The following IL1RAPL1 variants were observed in gnomAD, a reference collection of about 807,000 sequenced individuals.
The protein encoded by IL1RAPL1 is interleukin-1 receptor accessory protein-like 1.
A neutral mutation model predicts 48.4 loss-of-function variants in IL1RAPL1; 3 were observed. The ratio of observed to expected loss-of-function variants is 0.06; its 90% CI spans 0.03 to 0.16. The LOEUF is 0.16. Ranked by LOEUF, IL1RAPL1 falls within the 10% of genes least tolerant of loss-of-function variation. IL1RAPL1 has a pLI of 1.00. For missense variants in IL1RAPL1, 349 were observed against 530.6 expected (o/e 0.66, Z 3.36); for synonymous variants, 185 against 187.7 (o/e 0.99, Z 0.12).
chrX:28,762,817 CACACACAGAGAGAGAGAGAGAG>C (rs760737742), intron 1 of IL1RAPL1, among the ~76,000 whole-genome samples: 104 of 42,038 alleles, frequency 2.5e-3, no homozygotes, highest in African/African-American at 4.0e-3. Flanking sequence ...CACACACACA[CACACACAGAGAGAGAGAGAGAG>C]AGAGAGAGAG....
chrX:28,875,143 A>C (rs928742434), intron 2 of IL1RAPL1, among the ~76,000 whole-genome samples: 5 of 112,258 alleles, frequency 4.5e-5, no homozygotes, highest in African/African-American at 1.6e-4. Flanking sequence ...AAAATTATGA[A>C]TAATTTATAA....
chrX:29,006,288 G>T (rs184202302), intron 2 of IL1RAPL1, among the ~76,000 whole-genome samples: 2 of 110,742 alleles, frequency 1.8e-5, no homozygotes, highest in East Asian at 2.9e-4. Flanking sequence ...GCTGAGGCGG[G>T]CGATCACCTG....
chrX:29,855,290 G>A (rs1396963394), intron 6 of IL1RAPL1, among the ~76,000 whole-genome samples: 2 of 112,052 alleles, frequency 1.8e-5, no homozygotes, highest in African/African-American at 3.2e-5. Flanking sequence ...ATTCATCTAT[G>A]GAAACATGTT....
intron 2 of IL1RAPL1, among the ~76,000 whole-genome samples, chrX:28,861,813 T>C (rs1444657953): frequency 9.0e-6 from 1 of 111,613 alleles, no homozygotes; most frequent in East Asian, 2.8e-4. Flanking sequence ...AAACTTTGTT[T>C]ACTAAAGTTT....
rs1366464632 is a variant in IL1RAPL1, at chrX:28,762,786, G to GCGCGCACACACACACA, written c.-24-26533_-24-26532insGCGCACACACACACAC. 4.2e-3 allele frequency among the ~76,000 whole-genome samples: 267 copies of GCGCGCACACACACACA among 62,906 alleles called. 2 individuals are homozygous for GCGCGCACACACACACA. The highest frequency in any genetic ancestry group is 0.016 in the African/African-American group (253 of 15,789). The allele number at this position is 62,906 out of a possible 115,157, so 54.6% of individuals were successfully genotyped here. On this transcript the variant is annotated intron_variant, in intron 1 of 10. Coordinates refer to ENST00000378993, the MANE Select transcript of IL1RAPL1 (RefSeq NM_014271.4). ...TATAAAATCTAATACGCACGCGCGCGCACACACACACACACACACACACAC... is the reference window on the plus strand; with the variant it reads ...TATAAAATCTAATACGCACGCGCGCGCGCGCACACACACACACACACACACACACACACACACACAC...
chrX:29,106,340 A>T (rs1002232179), intron 2 of IL1RAPL1, among the ~76,000 whole-genome samples: 1 of 111,276 alleles, frequency 9.0e-6, no homozygotes, highest in Non-Finnish European at 1.9e-5. Flanking sequence ...CCAAACACAC[A>T]TACCTTGCTA....
intron 6 of IL1RAPL1, among the ~76,000 whole-genome samples, chrX:29,856,577 C>T (rs2147201445): frequency 9.0e-6 from 1 of 111,698 alleles, no homozygotes; most frequent in South Asian, 3.7e-4. Flanking sequence ...AGTAACATTA[C>T]CATAAAAACA....
At chrX:29,237,893 A>G (rs937472356) in intron 2 of IL1RAPL1, among the ~76,000 whole-genome samples, 7 of 112,619 alleles carry the variant, frequency 6.2e-5, no homozygotes, top group African/African-American at 2.3e-4. Flanking sequence ...TTTTAATTGC[A>G]TAAAATAATT....
rs190188531 is a variant in IL1RAPL1 at position 29,728,039 on chromosome X, G to A, written c.778+59535G>A. On this transcript the variant is annotated intron_variant, in intron 6 of 10. Coordinates refer to ENST00000378993, the MANE Select transcript of IL1RAPL1 (RefSeq NM_014271.4). ...TGCAAGCTCCGCCTCCCGGGTTCAC[G>A]CCATTCTCCTACCTCAGCCTCCCGA... Among the ~76,000 whole-genome samples, 65 of 110,695 alleles carry A rather than the reference G, an allele frequency of 5.9e-4. 1 individual carries two copies. The highest frequency in any genetic ancestry group is 3.7e-3 in the East Asian group (13 of 3,513).
intron 9 of IL1RAPL1, among the ~76,000 whole-genome samples, chrX:29,949,132 AGAGAAAGG>A (rs1242505852): frequency 8.9e-6 from 1 of 112,226 alleles, no homozygotes; most frequent in Non-Finnish European, 1.9e-5. Context: ...CATATGTTAA[AGAGAAAGG>A]TGCATTTATC....
intron 2 of IL1RAPL1, among the ~76,000 whole-genome samples, chrX:28,861,700 G>A (rs896003243): frequency 6.3e-5 from 7 of 111,268 alleles, no homozygotes; most frequent in Non-Finnish European, 1.1e-4. Context: ...CTTTCATTGA[G>A]CAATTTGTTC....
intron 2 of IL1RAPL1, among the ~76,000 whole-genome samples, chrX:28,874,583 T>A (rs1466527334): frequency 8.9e-6 from 1 of 112,298 alleles, no homozygotes; most frequent in Non-Finnish European, 1.9e-5. Context: ...GTGAGAACCA[T>A]ATGTTTGGTG....
intron 5 of IL1RAPL1, among the ~76,000 whole-genome samples, chrX:29,530,183 T>A (rs979651909): frequency 6.3e-5 from 7 of 111,921 alleles, no homozygotes; most frequent in Non-Finnish European, 1.3e-4. Context: ...TAAAATAATT[T>A]TATAATATAA....
chrX:29,161,543 TA>T (rs1181717073), intron 2 of IL1RAPL1, among the ~76,000 whole-genome samples: 2 of 112,325 alleles, frequency 1.8e-5, no homozygotes, highest in African/African-American at 3.2e-5. Flanking sequence ...AATAAGTAAA[TA>T]AAAATGTTCA....
chrX:29,497,352 A>G (rs1935224917), intron 5 of IL1RAPL1, among the ~76,000 whole-genome samples: 2 of 111,615 alleles, frequency 1.8e-5, no homozygotes, highest in Non-Finnish European at 3.8e-5. Flanking sequence ...TCTTTAAACT[A>G]TGATTTAAGT....
chrX:28,625,309 T>G (rs748237338), intron 1 of IL1RAPL1, among the ~76,000 whole-genome samples: 1 of 111,559 alleles, frequency 9.0e-6, no homozygotes, highest in South Asian at 3.8e-4. Flanking sequence ...TAGTTATCCC[T>G]TAGAAGAGCT....
intron 2 of IL1RAPL1, among the ~76,000 whole-genome samples, chrX:29,047,981 G>A (rs1448479806): frequency 9.0e-6 from 1 of 111,066 alleles, no homozygotes; most frequent in Non-Finnish European, 1.9e-5. Context: ...AACTATGTAT[G>A]TATCTCTTTT....
chrX:29,468,822 T>C (rs1444436271), intron 5 of IL1RAPL1, among the ~76,000 whole-genome samples: 1 of 112,016 alleles, frequency 8.9e-6, no homozygotes. Context: ...TTCTCTCTTA[T>C]AATTTTCCCA....
At chrX:29,889,532 A>G (rs1932233161) in intron 6 of IL1RAPL1, among the ~76,000 whole-genome samples, 1 of 112,027 alleles carries the variant, frequency 8.9e-6, no homozygotes, top group Non-Finnish European at 1.9e-5. Context: ...TATAATCCAT[A>G]TAATACTCTG....
Sources: allele counts gnomAD v4.1 joint callset (sites outside exome capture counted in the v4.1 genomes callset), GRCh38; gene constraint gnomAD v4.1.1; transcripts MANE v1.5; gene names NCBI Gene and HGNC (gene_info 2026-07-23, HGNC 2026-07-21).